The following ABTB2 variants were observed in gnomAD, a reference collection of about 807,000 sequenced individuals.
The protein encoded by ABTB2 is ankyrin repeat and BTB domain containing 2, also known as ankyrin repeat and BTB/POZ domain-containing protein 2.
ABTB2 carries 56 observed loss-of-function variants against 104.1 expected under a neutral mutation model. The observed-to-expected ratio is 0.54, with a 90% CI of 0.43 to 0.67. The LOEUF (loss-of-function observed/expected upper bound fraction) is 0.67. ABTB2 is among the 30% of genes least tolerant of loss of function. The probability of loss-of-function intolerance (pLI) is 0.00; values close to 1 mark genes in which losing one functional copy is unlikely to be tolerated. For synonymous variants in ABTB2, 606 were observed against 608.2 expected, an observed-to-expected ratio of 1.00 and a Z score of 0.05; for missense variants, 1,279 against 1,407.7, an observed-to-expected ratio of 0.91 and a Z score of 1.46.
chr11:34,305,400 A>G (rs1854759367), intron 1 of ABTB2, among the ~76,000 whole-genome samples: 1 of 152,240 alleles, frequency 6.6e-6, no homozygotes, highest in Non-Finnish European at 1.5e-5. Flanking sequence ...AGTTTGAAAC[A>G]TTCACTATGC....
At chr11:34,345,814 A>G (rs1003444171) in intron 1 of ABTB2, among the ~76,000 whole-genome samples, 1 of 152,182 alleles carries the variant, frequency 6.6e-6, no homozygotes, top group Non-Finnish European at 1.5e-5. Flanking sequence ...GGCTGCTGAG[A>G]TGGGCTGAAG....
chr11:34,181,010 T>C (rs1350457775), intron 3 of ABTB2, among the ~76,000 whole-genome samples: 2 of 152,206 alleles, frequency 1.3e-5, no homozygotes, highest in Admixed American at 6.5e-5. Flanking sequence ...GTGCAAGCGA[T>C]TCTTCTGCCT....
chr11:34,183,104 T>C (rs1853049852), intron 3 of ABTB2, among the ~76,000 whole-genome samples: 1 of 151,556 alleles, frequency 6.6e-6, no homozygotes, highest in African/African-American at 2.4e-5. Flanking sequence ...ACTGGATGAC[T>C]TTTTTTTTCC....
At chr11:34,236,314 G>T (rs978093170) in intron 1 of ABTB2, among the ~76,000 whole-genome samples, 1 of 152,170 alleles carries the variant, frequency 6.6e-6, no homozygotes, top group East Asian at 1.9e-4. Flanking sequence ...TTCTTCCTTT[G>T]CTCTTGTTGT....
intron 1 of ABTB2, among the ~76,000 whole-genome samples, chr11:34,276,713 A>T (rs1015713448): frequency 1.3e-5 from 2 of 152,208 alleles, no homozygotes; most frequent in African/African-American, 4.8e-5. Flanking sequence ...ACAAGGGGAG[A>T]GAGGGATGGA....
At chr11:34,305,050 G>A (rs982065983) in intron 1 of ABTB2, among the ~76,000 whole-genome samples, 3 of 152,230 alleles carry the variant, frequency 2.0e-5, no homozygotes, top group African/African-American at 7.2e-5. Context: ...ATACTCCTCA[G>A]AGCAGTGTCT....
intron 1 of ABTB2, among the ~76,000 whole-genome samples, chr11:34,337,161 C>T (rs1855201289): frequency 6.6e-6 from 1 of 152,240 alleles, no homozygotes; most frequent in African/African-American, 2.4e-5. Flanking sequence ...CTGTGCTGGG[C>T]TTGCACCTGG....
chr11:34,153,154 A>G (rs1208022935), intron 16 of ABTB2, among the ~76,000 whole-genome samples: 1 of 152,160 alleles, frequency 6.6e-6, no homozygotes, highest in Non-Finnish European at 1.5e-5. Flanking sequence ...AGTTGTGAAG[A>G]TGAAGGGCGG....
intron 2 of ABTB2, among the ~76,000 whole-genome samples, chr11:34,202,228 C>A (rs543000084): frequency 1.3e-5 from 2 of 152,184 alleles, no homozygotes; most frequent in South Asian, 4.1e-4. Context: ...TCATGGAAGG[C>A]CTGAATGAGA....
intron 1 of ABTB2, among the ~76,000 whole-genome samples, chr11:34,210,235 T>C (rs922202015): frequency 2.6e-5 from 4 of 152,180 alleles, no homozygotes; most frequent in Non-Finnish European, 4.4e-5. Context: ...AATCTATGGC[T>C]TCTCAAGTCC....
intron 1 of ABTB2, among the ~76,000 whole-genome samples, chr11:34,331,751 C>A (rs1855133366): frequency 6.6e-6 from 1 of 152,214 alleles, no homozygotes; most frequent in Non-Finnish European, 1.5e-5. Flanking sequence ...GCCAGAAGAT[C>A]TATGTATTCA....
chr11:34,173,591 G>A (rs1420374768), intron 3 of ABTB2, among the ~76,000 whole-genome samples: 2 of 152,156 alleles, frequency 1.3e-5, no homozygotes, highest in African/African-American at 2.4e-5. Context: ...CCGACTACCT[G>A]CAATGCACAG....
At chr11:34,250,586 A>G (rs541896251) in intron 1 of ABTB2, among the ~76,000 whole-genome samples, 1 of 152,138 alleles carries the variant, frequency 6.6e-6, no homozygotes, top group Non-Finnish European at 1.5e-5. Context: ...CAGAGATAAA[A>G]CTTCATCCTG....
intron 1 of ABTB2, among the ~76,000 whole-genome samples, chr11:34,290,799 G>A (rs1198366163): frequency 1.3e-5 from 2 of 152,166 alleles, no homozygotes; most frequent in African/African-American, 4.8e-5. Context: ...GAACACGGAT[G>A]GATAAGTGTC....
intron 3 of ABTB2, among the ~76,000 whole-genome samples, chr11:34,182,716 G>A (rs1476165281): frequency 6.6e-6 from 1 of 152,036 alleles, no homozygotes; most frequent in Non-Finnish European, 1.5e-5. Context: ...GAGGTCCACC[G>A]TGTGACAATC....
At position 34,356,859 on chromosome 11, in the gene ABTB2, A is replaced by G; in HGVS notation, c.725T>C (p.Ile242Thr). The G allele has an allele frequency of 6.2e-7, 1 of 1,605,512 alleles. No individual in the cohort carries two copies. The highest frequency in any genetic ancestry group is 8.5e-7 in the Non-Finnish European group (1 of 1,176,306). Residue 242 changes from isoleucine to threonine, a missense_variant, in exon 1 of 17, where the codon ATC (isoleucine) becomes ACC (threonine). Transcript: ENST00000435224. This position sits in a 1 kb window ranked among gnomAD's most constrained non-coding sequence, Gnocchi z 4.6. ...TACMENLVEE[I>T]RARVMASHSP... ...GTGGCTGGCCATCACCCTGGCCCGGATCTCCTCCACCAGGTTCTCCATGCA... is the reference window on the plus strand; with the variant it reads ...GTGGCTGGCCATCACCCTGGCCCGGGTCTCCTCCACCAGGTTCTCCATGCA...
intron 1 of ABTB2, among the ~76,000 whole-genome samples, chr11:34,278,306 T>C (rs558841497): frequency 1.3e-5 from 2 of 152,302 alleles, no homozygotes; most frequent in South Asian, 4.1e-4. Context: ...CTCATGGAAA[T>C]TTGATTTGGG....
chr11:34,199,345 C>G (rs1363102382), intron 2 of ABTB2, among the ~76,000 whole-genome samples: 1 of 152,174 alleles, frequency 6.6e-6, no homozygotes, highest in Non-Finnish European at 1.5e-5. Context: ...GACTACTCAT[C>G]CATACCGTTG....
At position 34,167,291 on chromosome 11, in the gene ABTB2, C is replaced by T. The variant is rs1427981385; in HGVS notation, c.1723G>A (p.Ala575Thr). The T allele has an allele frequency of 5.6e-6, 9 of 1,612,758 alleles. No homozygotes were observed. Among genetic ancestry groups the T allele is most frequent in the South Asian group, 5.5e-5 (5 of 90,812 alleles). ...ACAGAGATGTGTCCATGCAGCACAG[C>T]GAATGTCAGTGAGGTCCAGTGCCGG... ...DSRHWTSLTF[A>T]VLHGHISVVQ... The change falls in exon 7 of 17, where the codon GCT becomes ACT. Residue 575 changes from alanine to threonine, a missense_variant. By Grantham distance (58) the Ala-to-Thr change is moderately conservative (BLOSUM62 0). Coordinates refer to ENST00000435224, the MANE Select transcript of ABTB2 (RefSeq NM_145804.3).
Sources: allele counts gnomAD v4.1 joint callset (sites outside exome capture counted in the v4.1 genomes callset), GRCh38; gene constraint gnomAD v4.1.1; non-coding constraint Gnocchi (gnomAD v3.1); transcripts MANE v1.5; gene names NCBI Gene and HGNC (gene_info 2026-07-23, HGNC 2026-07-21).